GUCA1C: variants seen among roughly 807,000 people sequenced by gnomAD.
GUCA1C encodes guanylate cyclase activator 1C, also known as guanylyl cyclase-activating protein 3.
Under a neutral mutation model 16.2 loss-of-function variants are expected in GUCA1C, and 15 were observed. That is an observed-to-expected ratio of 0.93 (90% confidence interval 0.62 to 1.43). The LOEUF is 1.43. Among genes scored for constraint, GUCA1C ranks in the 40% most tolerant of loss-of-function variants. The pLI is 0.00. For missense variants in GUCA1C, 275 were observed against 244.8 expected, an observed-to-expected ratio of 1.12 and a Z score of -0.82; for synonymous variants, 78 against 85.4, an observed-to-expected ratio of 0.91 and a Z score of 0.48.
intron 1 of GUCA1C, among the ~76,000 whole-genome samples, chr3:108,928,799 A>G (rs994280598): frequency 4.6e-5 from 7 of 152,174 alleles, no homozygotes; most frequent in African/African-American, 1.7e-4. Context: ...TGATTGATGT[A>G]ACTATTCTTT....
At chr3:108,953,446 A>C (rs921823900) in intron 1 of GUCA1C, 113 bp downstream of exon 1, 23 of 689,594 alleles carry the variant, frequency 3.3e-5, no homozygotes, top group Non-Finnish European at 5.8e-5. Flanking sequence ...AGACCTCTCC[A>C]TTCAGTGGGA....
chr3:108,944,188 G>A (rs1169572300), intron 1 of GUCA1C, among the ~76,000 whole-genome samples: 1 of 152,148 alleles, frequency 6.6e-6, no homozygotes, highest in Non-Finnish European at 1.5e-5. Flanking sequence ...AAAAAGGAGG[G>A]AAAGAGAGGA....
At chr3:108,930,110 G>A (rs1946653471) in intron 1 of GUCA1C, among the ~76,000 whole-genome samples, 3 of 152,170 alleles carry the variant, frequency 2.0e-5, no homozygotes, top group South Asian at 4.1e-4. Context: ...TTTAGGAAAG[G>A]TGGCCAGCTC....
At chr3:108,934,916 C>G (rs1443841077) in intron 1 of GUCA1C, among the ~76,000 whole-genome samples, 1 of 150,542 alleles carries the variant, frequency 6.6e-6, no homozygotes, top group African/African-American at 2.4e-5. Flanking sequence ...CGGGTTCACG[C>G]CATTCTCCTG....
At chr3:108,952,056 C>T (rs1246921041) in intron 1 of GUCA1C, among the ~76,000 whole-genome samples, 2 of 152,190 alleles carry the variant, frequency 1.3e-5, no homozygotes, top group African/African-American at 2.4e-5. Context: ...CTGTAAAACT[C>T]GATAGCTCAT....
At chr3:108,910,647 T>TTTC (rs972511924) in intron 3 of GUCA1C, among the ~76,000 whole-genome samples, 1 of 151,992 alleles carries the variant, frequency 6.6e-6, no homozygotes, top group Non-Finnish European at 1.5e-5. Context: ...TCAATTTTTT[T>TTTC]TTCTTCTTCT....
intron 3 of GUCA1C, among the ~76,000 whole-genome samples, chr3:108,910,057 G>C (rs1946434055): frequency 6.6e-6 from 1 of 152,160 alleles, no homozygotes; most frequent in African/African-American, 2.4e-5. Context: ...CTGACTAATT[G>C]CCTTCCTTTA....
chr3:108,917,404 G>C (rs1946528580), intron 2 of GUCA1C, among the ~76,000 whole-genome samples: 1 of 152,110 alleles, frequency 6.6e-6, no homozygotes, highest in African/African-American at 2.4e-5. Context: ...TAATATTTTT[G>C]GAGGGAGTCC....
chr3:108,949,622 C>G (rs777369401), intron 1 of GUCA1C, among the ~76,000 whole-genome samples: 4 of 152,142 alleles, frequency 2.6e-5, no homozygotes, highest in Non-Finnish European at 5.9e-5. Flanking sequence ...GTGCTAAGGC[C>G]ATAGCCATTC....
At chr3:108,934,714 C>T (rs560832118) in intron 1 of GUCA1C, among the ~76,000 whole-genome samples, 76 of 151,546 alleles carry the variant, frequency 5.0e-4, no homozygotes, top group African/African-American at 1.7e-3. Flanking sequence ...ATGTCTTTTG[C>T]AGCAACATGG....
chr3:108,946,387 G>A (rs1296731299), intron 1 of GUCA1C, among the ~76,000 whole-genome samples: 1 of 152,008 alleles, frequency 6.6e-6, no homozygotes, highest in Non-Finnish European at 1.5e-5. Context: ...TCGCTTTCTT[G>A]GCCTTTCAAG....
intron 1 of GUCA1C, among the ~76,000 whole-genome samples, chr3:108,924,145 T>C (rs185851064): frequency 6.6e-6 from 1 of 152,286 alleles, no homozygotes; most frequent in Admixed American, 6.5e-5. Context: ...CTTTATTTCT[T>C]TCTCTTGTCT....
intron 1 of GUCA1C, 138 bp from the exon 2 acceptor site, chr3:108,920,723 TA>T: frequency 3.5e-6 from 2 of 566,954 alleles, no homozygotes; most frequent in Non-Finnish European, 6.1e-6. Flanking sequence ...AACTTTTCCC[TA>T]GTGTTTCATT....
At chr3:108,933,863 A>G (rs1252792991) in intron 1 of GUCA1C, among the ~76,000 whole-genome samples, 2 of 152,186 alleles carry the variant, frequency 1.3e-5, no homozygotes, top group African/African-American at 2.4e-5. Flanking sequence ...TCATTATACT[A>G]TAAAGACACA....
Position 108,907,852 on chromosome 3 carries a change from GT to G in GUCA1C, c.*169del, listed in dbSNP as rs1170289738. The G allele has an allele frequency of 1.2e-5, 7 of 580,472 alleles. No homozygotes were observed. The highest frequency in any genetic ancestry group is 2.1e-5 in the Non-Finnish European group (7 of 328,782). 36.0% of individuals were successfully genotyped at this position (580,472 alleles called of 1,614,324 possible). A position where few individuals can be genotyped will look rare whatever the true frequency, so the allele number is the denominator to read the frequency against. On this transcript the variant is annotated 3_prime_UTR_variant, in exon 4 of 4. Transcript: ENST00000261047. ...AGCACAGAAAAGCAACAATGCATCT[GT>G]TTAGGATCTTTATGCAAGTCTCTAC... is the stretch of plus-strand genomic sequence containing the variant.
At chr3:108,955,044 T>C (rs1946934741), upstream of GUCA1C, among the ~76,000 whole-genome samples, 1 of 152,178 alleles carries the variant, frequency 6.6e-6, no homozygotes, top group Non-Finnish European at 1.5e-5. Flanking sequence ...CAGTTCTCTT[T>C]TCTAACCTCA....
intron 1 of GUCA1C, among the ~76,000 whole-genome samples, chr3:108,949,898 C>T (rs1003140666): frequency 6.6e-6 from 1 of 152,196 alleles, no homozygotes; most frequent in African/African-American, 2.4e-5. Context: ...GTGGTGAGAA[C>T]ATCCAAGATT....
chr3:108,946,891 G>GAA (rs10607933), intron 1 of GUCA1C, among the ~76,000 whole-genome samples: 42 of 96,382 alleles, frequency 4.4e-4, no homozygotes, highest in South Asian at 1.0e-3. Flanking sequence ...TCAAGAATCT[G>GAA]AAAAAAAAAA....
At chr3:108,908,356 CAAAAAAA>C (rs540540488) in intron 3 of GUCA1C, 147 bp from the exon 4 acceptor site, 1 of 309,824 alleles carries the variant, frequency 3.2e-6, no homozygotes, top group East Asian at 4.5e-5. Context: ...TTCATTTAAA[CAAAAAAA>C]AAAAAAAAAA....
Sources: allele counts gnomAD v4.1 joint callset (sites outside exome capture counted in the v4.1 genomes callset), GRCh38; gene constraint gnomAD v4.1.1; transcripts MANE v1.5; gene names NCBI Gene and HGNC (gene_info 2026-07-23, HGNC 2026-07-21).